Variants in C14orf132 observed in about 807,000 individuals in gnomAD.
The protein encoded by C14orf132 is chromosome 14 open reading frame 132.
A neutral mutation model predicts 5.8 loss-of-function variants in C14orf132; 6 were observed. The ratio of observed to expected loss-of-function variants is 1.03; its 90% CI spans 0.57 to 2.04. C14orf132 has a LOEUF of 2.04. C14orf132 is among the 30% of genes most tolerant of loss of function. C14orf132 has a pLI of 0.00. For missense variants in C14orf132, 125 were observed against 115.8 expected (o/e 1.08, Z -0.37); for synonymous variants, 51 against 49.8 (o/e 1.02, Z -0.10).
intron 1 of C14orf132, among the ~76,000 whole-genome samples, chr14:96,060,218 T>C (rs1193198075): frequency 6.6e-6 from 1 of 152,146 alleles, no homozygotes; most frequent in Non-Finnish European, 1.5e-5. Context: ...CTTGTGTGGC[T>C]CCCCAGCACA....
chr14:96,073,148 AG>A (rs1202812569), intron 1 of C14orf132, among the ~76,000 whole-genome samples: 1 of 134,274 alleles, frequency 7.4e-6, no homozygotes, highest in Admixed American at 7.2e-5. Context: ...TAGGAACATC[AG>A]GTTTTTTTTT....
At position 96,039,572 on chromosome 14, in the gene C14orf132, G is replaced by C. The variant is rs1350363131; in HGVS notation, c.27+45G>C. 6.7e-7 allele frequency: 1 copy of C among 1,486,546 alleles called. No individual in the cohort carries two copies. Among genetic ancestry groups the C allele is most frequent in the South Asian group, 1.3e-5 (1 of 78,872 alleles). 92.1% of individuals were successfully genotyped at this position (1,486,546 alleles called of 1,614,324 possible). A position where few individuals can be genotyped will look rare whatever the true frequency, so the allele number is the denominator to read the frequency against. On this transcript the variant is annotated intron_variant, in intron 1 of 1. Coordinates refer to ENST00000555004, the MANE Select transcript of C14orf132 (RefSeq NM_001252507.3). This position sits in a 1 kb window ranked among gnomAD's most constrained non-coding sequence, Gnocchi z 5.3. ...ACGCGCCCCGGGCCGCCAAGTTTGG[G>C]GAGGTTCGGGGCCACGGTCTCGCCC...
At chr14:96,042,694 C>T (rs1191204285) in intron 1 of C14orf132, among the ~76,000 whole-genome samples, 2 of 152,300 alleles carry the variant, frequency 1.3e-5, no homozygotes, top group Non-Finnish European at 2.9e-5. Flanking sequence ...AGGTGCCCTC[C>T]CTGGTGCAGT....
chr14:96,043,339 T>G (rs1886744247), intron 1 of C14orf132, among the ~76,000 whole-genome samples: 1 of 152,122 alleles, frequency 6.6e-6, no homozygotes, highest in South Asian at 2.1e-4. Context: ...AGGAACGTTC[T>G]GCATGCTAAG....
intron 1 of C14orf132, among the ~76,000 whole-genome samples, chr14:96,052,389 C>T (rs1186883786): frequency 1.3e-5 from 2 of 152,214 alleles, no homozygotes; most frequent in Admixed American, 6.5e-5. Context: ...TTGCTCCCCC[C>T]GGGAGAGGCT....
Position 96,063,160 on chromosome 14 carries a change from G to T in C14orf132, c.28-23351G>T, listed in dbSNP as rs924355761. 7.2e-5 allele frequency among the ~76,000 whole-genome samples: 11 copies of T among 152,276 alleles called. 1 individual carries two copies. Among genetic ancestry groups the T allele is most frequent in the East Asian group, 1.9e-4 (1 of 5,184 alleles). On this transcript the variant is annotated intron_variant, in intron 1 of 1. Transcript: ENST00000555004. ...GGAGCTGTGAAGCAGCCGTTGACTT[G>T]CAGCTGGGGCGGGTCTCAGGCCTCC...
intron 1 of C14orf132, among the ~76,000 whole-genome samples, chr14:96,059,502 C>T (rs543304447): frequency 2.0e-5 from 3 of 152,328 alleles, no homozygotes. Context: ...CACCAAGCCA[C>T]ACAGGGAGCA....
intron 1 of C14orf132, among the ~76,000 whole-genome samples, chr14:96,047,906 C>T (rs530489062): frequency 4.4e-4 from 67 of 152,164 alleles, no homozygotes; most frequent in African/African-American, 1.4e-3. Context: ...CCTCCAAAGT[C>T]GCTGAGCCCG....
In C14orf132 at chr14:96,088,232, T is replaced by A. The variant is rs1254000525; in HGVS notation, c.*1497T>A. ...GTTCTTGATGACAGGCAAAGGGACATCTTAGTTGTCCAGAAGCGGCACTCT... is the reference window on the plus strand; with the variant it reads ...GTTCTTGATGACAGGCAAAGGGACAACTTAGTTGTCCAGAAGCGGCACTCT... On this transcript the variant is annotated 3_prime_UTR_variant, in exon 2 of 2. Transcript: ENST00000555004. 1.3e-5 allele frequency: 2 copies of A among 152,078 alleles called. No homozygotes were observed. The highest frequency in any genetic ancestry group is 4.8e-5 in the African/African-American group (2 of 41,412). 9.4% of individuals were successfully genotyped at this position (152,078 alleles called of 1,614,324 possible).
chr14:96,050,942 G>C (rs1887008108), intron 1 of C14orf132, among the ~76,000 whole-genome samples: 1 of 152,028 alleles, frequency 6.6e-6, no homozygotes, highest in African/African-American at 2.4e-5. Flanking sequence ...GCTTTTAACA[G>C]CTATATTTCC....
intron 1 of C14orf132, among the ~76,000 whole-genome samples, chr14:96,056,274 TC>T (rs1342749282): frequency 1.3e-5 from 2 of 152,154 alleles, no homozygotes; most frequent in Non-Finnish European, 2.9e-5. Flanking sequence ...GACATGGCCC[TC>T]TGTGAGCTTC....
chr14:96,049,647 TATATATAGAG>T (rs1566823961), intron 1 of C14orf132, among the ~76,000 whole-genome samples: 15 of 78,774 alleles, frequency 1.9e-4, no homozygotes, highest in Non-Finnish European at 3.2e-4. Context: ...TACGTATATA[TATATATAGAG>T]AGAGAGAGAG....
At chr14:96,082,064 A>C (rs1001473715) in intron 1 of C14orf132, among the ~76,000 whole-genome samples, 4 of 152,110 alleles carry the variant, frequency 2.6e-5, no homozygotes, top group Non-Finnish European at 5.9e-5. Context: ...CTGCCCTCTT[A>C]AGCCACTCTG....
intron 1 of C14orf132, among the ~76,000 whole-genome samples, chr14:96,051,445 G>A (rs1372365781): frequency 6.6e-6 from 1 of 152,232 alleles, no homozygotes; most frequent in East Asian, 1.9e-4. Flanking sequence ...GGCCCACGCA[G>A]TTTGCCAGCC....
At chr14:96,042,702 A>G (rs1315646496) in intron 1 of C14orf132, among the ~76,000 whole-genome samples, 1 of 152,212 alleles carries the variant, frequency 6.6e-6, no homozygotes. Context: ...TCCCTGGTGC[A>G]GTACACGTGG....
chr14:96,078,679 A>G (rs1255529763), intron 1 of C14orf132, among the ~76,000 whole-genome samples: 6 of 152,212 alleles, frequency 3.9e-5, no homozygotes, highest in African/African-American at 1.4e-4. Flanking sequence ...GGCCCAGTCC[A>G]GCAGGCAGAC....
intron 1 of C14orf132, among the ~76,000 whole-genome samples, chr14:96,056,789 C>T (rs1480316189): frequency 6.6e-6 from 1 of 152,078 alleles, no homozygotes; most frequent in Non-Finnish European, 1.5e-5. Flanking sequence ...TCAGAAAACC[C>T]CGGTCCAAAT....
At chr14:96,086,016 AG>A (rs1429890579) in intron 1 of C14orf132, among the ~76,000 whole-genome samples, 1 of 151,466 alleles carries the variant, frequency 6.6e-6, no homozygotes, top group African/African-American at 2.4e-5. Flanking sequence ...ACACACACAG[AG>A]GAAAAAAAGA....
At chr14:96,074,485 G>T (rs151234248) in intron 1 of C14orf132, among the ~76,000 whole-genome samples, 24 of 150,150 alleles carry the variant, frequency 1.6e-4, no homozygotes, top group Admixed American at 1.5e-3. Context: ...TTCTAAACGT[G>T]TTATAGTTTT....
Sources: allele counts gnomAD v4.1 joint callset (sites outside exome capture counted in the v4.1 genomes callset), GRCh38; gene constraint gnomAD v4.1.1; non-coding constraint Gnocchi (gnomAD v3.1); transcripts MANE v1.5; gene names NCBI Gene and HGNC (gene_info 2026-07-23, HGNC 2026-07-21).